The following DOCK4 variants were observed in gnomAD, a reference collection of about 807,000 sequenced individuals.
DOCK4 encodes the protein dedicator of cytokinesis protein 4.
In DOCK4, 97 loss-of-function variants were observed where a neutral mutation model predicts 268.1. The observed-to-expected ratio is 0.36, with a 90% confidence interval of 0.31 to 0.43. The LOEUF (loss-of-function observed/expected upper bound fraction) is 0.43. Among genes scored for constraint, DOCK4 ranks in the 20% least tolerant of loss-of-function variants. The probability of loss-of-function intolerance (pLI) is 1.00; values close to 1 mark genes in which losing one functional copy is unlikely to be tolerated. For synonymous variants in DOCK4, 954 were observed against 887.2 expected (o/e 1.08, Z -1.34); for missense variants, 2,145 against 2,455.7 (o/e 0.87, Z 2.67).
intron 1 of DOCK4, among the ~76,000 whole-genome samples, chr7:112,090,124 A>G (rs17565212): frequency 0.26 from 39,904 of 152,124 alleles, 6,164 homozygotes; most frequent in Non-Finnish European, 0.35. Flanking sequence ...TTTAGTCTCA[A>G]GGTAAAGATA....
At chr7:112,171,994 T>C (rs1818127524) in intron 1 of DOCK4, among the ~76,000 whole-genome samples, 1 of 152,154 alleles carries the variant, frequency 6.6e-6, no homozygotes, top group South Asian at 2.1e-4. Flanking sequence ...GTGTGTCCAA[T>C]TTCCTCTTCT....
chr7:111,734,801 T>G (rs1270702660), intron 51 of DOCK4, among the ~76,000 whole-genome samples: 1 of 152,112 alleles, frequency 6.6e-6, no homozygotes, highest in Non-Finnish European at 1.5e-5. Flanking sequence ...CTCCCCGAAT[T>G]TGAGAATGGT....
rs1798997939 is a variant in DOCK4 at position 111,784,222 on chromosome 7, C to T, written c.3402-99G>A. ...TAATCATATTTTCAAAATATACAAG[C>T]ATCTCACAGCTCAAAGACATTTTTT... is the stretch of plus-strand genomic sequence containing the variant. On this transcript the variant is annotated intron_variant, in intron 32 of 52. Transcript: ENST00000428084. 10 of 1,309,070 alleles carry T rather than the reference C, an allele frequency of 7.6e-6. No homozygotes were observed. The South Asian group carries it at 1.3e-4, about 17-fold the overall frequency. 81.1% of individuals were successfully genotyped at this position (1,309,070 alleles called of 1,614,324 possible).
At chr7:111,854,555 C>T (rs1019516044) in intron 23 of DOCK4, among the ~76,000 whole-genome samples, 1 of 152,000 alleles carries the variant, frequency 6.6e-6, no homozygotes, top group Non-Finnish European at 1.5e-5. Context: ...GCTCATCTTG[C>T]TACATTAGTA....
intron 23 of DOCK4, among the ~76,000 whole-genome samples, chr7:111,848,965 C>A (rs1804327937): frequency 6.6e-6 from 1 of 152,184 alleles, no homozygotes; most frequent in Non-Finnish European, 1.5e-5. Context: ...CTTTAATTAG[C>A]CACAGATCAA....
intron 1 of DOCK4, among the ~76,000 whole-genome samples, chr7:112,171,266 G>T (rs191244473): frequency 1.7e-3 from 257 of 152,044 alleles, no homozygotes; most frequent in Non-Finnish European, 3.0e-3. Context: ...TTTCCATAAA[G>T]AAATAACTAA....
At chr7:111,894,090 C>T (rs761590690) in intron 16 of DOCK4, among the ~76,000 whole-genome samples, 4 of 151,906 alleles carry the variant, frequency 2.6e-5, no homozygotes, top group Non-Finnish European at 5.9e-5. Flanking sequence ...GGCATGGTGG[C>T]GGGTGCCTGG....
chr7:111,792,374 G>A (rs1799607749), intron 30 of DOCK4, among the ~76,000 whole-genome samples: 1 of 152,070 alleles, frequency 6.6e-6, no homozygotes, highest in South Asian at 2.1e-4. Context: ...ACTTTAGAGG[G>A]TTTTTGTTGT....
At chr7:112,131,284 C>G (rs1260807269) in intron 1 of DOCK4, among the ~76,000 whole-genome samples, 1 of 152,114 alleles carries the variant, frequency 6.6e-6, no homozygotes, top group African/African-American at 2.4e-5. Flanking sequence ...ACTACAGTGT[C>G]AAGTATATGC....
At chr7:112,119,846 T>A (rs116452763) in intron 1 of DOCK4, among the ~76,000 whole-genome samples, 5,048 of 150,860 alleles carry the variant, frequency 0.033, 186 homozygotes, top group East Asian at 0.2. Context: ...AATGGGTAGA[T>A]GGCTTTTTTT....
chr7:111,865,755 T>C (rs895889240), intron 22 of DOCK4, among the ~76,000 whole-genome samples: 16 of 152,224 alleles, frequency 1.1e-4, no homozygotes, highest in Non-Finnish European at 1.9e-4. Flanking sequence ...GCAGGAGAAG[T>C]AGTCAGAGAG....
At chr7:111,817,585 T>C (rs760367512) in intron 27 of DOCK4, among the ~76,000 whole-genome samples, 13 of 152,226 alleles carry the variant, frequency 8.5e-5, no homozygotes, top group Non-Finnish European at 1.6e-4. Flanking sequence ...AGTGAAAGCT[T>C]GTCATGGACA....
chr7:111,869,328 T>A lies in DOCK4; in HGVS notation c.2109+246A>T, dbSNP rs192754925. ...CTCTCCTGCTCATCTTAGACTTCAC[T>A]TCAAGTACTCTCCAGCCCAGAGGAA... On this transcript the variant is annotated intron_variant, in intron 21 of 52. Transcript: ENST00000428084. The A allele has an allele frequency of 5.4e-5, 24 of 444,898 alleles. No individual in the cohort carries two copies. In the Admixed American group the frequency reaches 8.1e-4, roughly 15 times the overall value. The allele number at this position is 444,898 out of a possible 1,614,324, so 27.6% of individuals were successfully genotyped here. A position where few individuals can be genotyped will look rare whatever the true frequency, so the allele number is the denominator to read the frequency against.
chr7:112,017,003 A>G (rs964885761), intron 1 of DOCK4, among the ~76,000 whole-genome samples: 11 of 152,206 alleles, frequency 7.2e-5, no homozygotes, highest in Non-Finnish European at 1.3e-4. Context: ...GATTAACTGT[A>G]ATCATCTTCA....
At chr7:112,181,945 C>A (rs1311119529) in intron 1 of DOCK4, among the ~76,000 whole-genome samples, 1 of 152,200 alleles carries the variant, frequency 6.6e-6, no homozygotes, top group Non-Finnish European at 1.5e-5. Flanking sequence ...GGCACTGGGG[C>A]ACAGGGCCAG....
At position 112,120,084 on chromosome 7, in the gene DOCK4, T is replaced by G. The variant is rs1051740990; in HGVS notation, c.37+86018A>C. 1.7e-4 allele frequency among the ~76,000 whole-genome samples: 26 copies of G among 152,254 alleles called. 1 individual carries two copies. The highest frequency in any genetic ancestry group is 7.8e-4 in the Admixed American group (12 of 15,292). On this transcript the variant is annotated intron_variant, in intron 1 of 52. Transcript: ENST00000428084. ...GGATGGTCTCGATCTCCTGACCTAG[T>G]GATCCGCCCGCCTCGGCCTCCCAAA... is the stretch of plus-strand genomic sequence containing the variant.
intron 1 of DOCK4, among the ~76,000 whole-genome samples, chr7:112,038,331 C>T (rs1804033239): frequency 6.6e-6 from 1 of 152,134 alleles, no homozygotes; most frequent in South Asian, 2.1e-4. Flanking sequence ...CATAAATGTG[C>T]ACAGAGGAAA....
chr7:111,842,121 C>T (rs1440582867), intron 25 of DOCK4, among the ~76,000 whole-genome samples: 1 of 152,144 alleles, frequency 6.6e-6, no homozygotes, highest in Admixed American at 6.5e-5. Context: ...ATACTTCTCC[C>T]CTATTCCTCC....
chr7:112,130,020 T>C (rs889840379), intron 1 of DOCK4, among the ~76,000 whole-genome samples: 4 of 152,216 alleles, frequency 2.6e-5, no homozygotes, highest in East Asian at 1.9e-4. Flanking sequence ...GAACAGGGCC[T>C]TGAACACATC....
Sources: allele counts gnomAD v4.1 joint callset (sites outside exome capture counted in the v4.1 genomes callset), GRCh38; gene constraint gnomAD v4.1.1; transcripts MANE v1.5; gene names NCBI Gene and HGNC (gene_info 2026-07-23, HGNC 2026-07-21).